CCSER1: variants seen among roughly 807,000 people sequenced by gnomAD.
The protein encoded by CCSER1 is coiled-coil serine rich protein 1.
A neutral mutation model predicts 82.0 loss-of-function variants in CCSER1; 41 were observed. That is an observed-to-expected ratio of 0.50 (90% CI 0.39 to 0.65). The LOEUF is 0.65. Among genes scored for constraint, CCSER1 ranks in the 30% least tolerant of loss-of-function variants. The pLI is 0.00. For synonymous variants in CCSER1, 414 were observed against 383.9 expected, an observed-to-expected ratio of 1.08 and a Z score of -0.92; for missense variants, 1,119 against 1,064.2, an observed-to-expected ratio of 1.05 and a Z score of -0.72.
intron 10 of CCSER1, among the ~76,000 whole-genome samples, chr4:91,416,410 C>T (rs373829812): frequency 1.2e-4 from 18 of 151,816 alleles, no homozygotes; most frequent in African/African-American, 2.4e-4. Context: ...GAATCCTAAG[C>T]AAAAAGAACA....
chr4:91,014,920 G>A (rs1389627327), intron 9 of CCSER1, among the ~76,000 whole-genome samples: 3 of 83,434 alleles, frequency 3.6e-5, no homozygotes, highest in African/African-American at 8.7e-5. Context: ...TTCAAGTTTG[G>A]AGAGAATCAA....
At chr4:90,509,349 G>A (rs956472635) in intron 5 of CCSER1, among the ~76,000 whole-genome samples, 7 of 152,050 alleles carry the variant, frequency 4.6e-5, no homozygotes, top group African/African-American at 9.7e-5. Context: ...CCTGGGAAGT[G>A]TAATAAAAAA....
At chr4:91,443,060 T>C (rs919043406) in intron 10 of CCSER1, among the ~76,000 whole-genome samples, 22 of 152,024 alleles carry the variant, frequency 1.4e-4, no homozygotes, top group African/African-American at 5.3e-4. Context: ...TGGAAGTCAG[T>C]GTGGTGATTC....
At chr4:91,551,841 T>C (rs970866465) in intron 10 of CCSER1, among the ~76,000 whole-genome samples, 1 of 151,770 alleles carries the variant, frequency 6.6e-6, no homozygotes, top group Non-Finnish European at 1.5e-5. Flanking sequence ...ATTGAGATTT[T>C]GTTCCTGAAA....
chr4:90,309,884 A>C lies in CCSER1; in HGVS notation c.1324+276A>C, dbSNP rs957561335. 5.9e-5 allele frequency among the ~76,000 whole-genome samples: 9 copies of C among 152,204 alleles called. No individual in the cohort carries two copies. The East Asian group carries it at 1.5e-3, about 26-fold the overall frequency. On this transcript the variant is annotated intron_variant, in intron 2 of 10. Transcript: ENST00000509176. ...AAGCAGCCTCTTAGTTACGGTGTTT[A>C]TTGGAGCACCTTCAGAAGAAAGTGA...
At chr4:90,641,140 A>T (rs1726436196) in intron 6 of CCSER1, among the ~76,000 whole-genome samples, 1 of 152,152 alleles carries the variant, frequency 6.6e-6, no homozygotes, top group African/African-American at 2.4e-5. Flanking sequence ...GGTATAATAT[A>T]TTAATCTAAA....
intron 10 of CCSER1, among the ~76,000 whole-genome samples, chr4:91,462,435 C>T (rs1028652774): frequency 2.6e-5 from 4 of 152,110 alleles, no homozygotes; most frequent in South Asian, 2.1e-4. Context: ...GCGTCAGCCA[C>T]GCAGAAGATG....
chr4:90,128,839 C>G (rs1166920203), intron 1 of CCSER1, among the ~76,000 whole-genome samples: 1 of 152,006 alleles, frequency 6.6e-6, no homozygotes, highest in Non-Finnish European at 1.5e-5. Flanking sequence ...CTCTCTCTCT[C>G]TCTCTCCTCT....
At chr4:91,170,537 G>A (rs989817014) in intron 10 of CCSER1, among the ~76,000 whole-genome samples, 3 of 152,026 alleles carry the variant, frequency 2.0e-5, no homozygotes, top group African/African-American at 7.2e-5. Context: ...TTTTCTTGAG[G>A]GTAATAGAAC....
chr4:91,077,047 A>G (rs1204176349), intron 9 of CCSER1, among the ~76,000 whole-genome samples: 1 of 150,486 alleles, frequency 6.6e-6, no homozygotes, highest in Non-Finnish European at 1.5e-5. Context: ...GAAATTCCAC[A>G]TGACCAGGCA....
intron 5 of CCSER1, among the ~76,000 whole-genome samples, chr4:90,620,460 A>G (rs1430816877): frequency 2.0e-5 from 3 of 152,190 alleles, no homozygotes; most frequent in Non-Finnish European, 4.4e-5. Flanking sequence ...TATGAGTATT[A>G]CATAGAATTG....
chr4:91,546,091 A>G (rs2110209804), intron 10 of CCSER1, among the ~76,000 whole-genome samples: 1 of 152,218 alleles, frequency 6.6e-6, no homozygotes, highest in South Asian at 2.1e-4. Flanking sequence ...ATCTGAATTG[A>G]ATATGAAAAG....
intron 10 of CCSER1, among the ~76,000 whole-genome samples, chr4:91,297,495 A>G (rs1378671755): frequency 6.6e-6 from 1 of 151,520 alleles, no homozygotes; most frequent in East Asian, 2.0e-4. Context: ...AGATAATTGT[A>G]TATGAAGTAA....
At chr4:90,574,375 T>C (rs1379101209) in intron 5 of CCSER1, among the ~76,000 whole-genome samples, 1 of 149,204 alleles carries the variant, frequency 6.7e-6, no homozygotes, top group Non-Finnish European at 1.5e-5. Context: ...TTCACGCCAT[T>C]CTCCTGCCTC....
chr4:91,232,252 T>C (rs764148226), intron 10 of CCSER1, among the ~76,000 whole-genome samples: 48 of 151,884 alleles, frequency 3.2e-4, no homozygotes, highest in Non-Finnish European at 1.0e-4. Context: ...GTTTCACACC[T>C]GTGAAATAAT....
chr4:90,400,246 G>C, intron 4 of CCSER1, 117 bp downstream of exon 4: 1 of 442,572 alleles, frequency 2.3e-6, no homozygotes, highest in Non-Finnish European at 4.0e-6. Context: ...AGTTTTTATA[G>C]TCTATATGCA....
At chr4:90,526,405 T>C (rs1280674116) in intron 5 of CCSER1, among the ~76,000 whole-genome samples, 5 of 152,188 alleles carry the variant, frequency 3.3e-5, no homozygotes, top group African/African-American at 4.8e-5. Flanking sequence ...CAGAAGGCTT[T>C]TTTTTTTCTT....
chr4:90,496,881 G>A (rs1224649499), intron 5 of CCSER1, among the ~76,000 whole-genome samples: 2 of 151,124 alleles, frequency 1.3e-5, no homozygotes, highest in African/African-American at 2.4e-5. Context: ...GGAGTGCTGA[G>A]GCAGGAGAAT....
intron 7 of CCSER1, among the ~76,000 whole-genome samples, chr4:90,806,442 CTATT>C (rs1757522470): frequency 6.6e-6 from 1 of 152,082 alleles, no homozygotes; most frequent in South Asian, 2.1e-4. Flanking sequence ...CCATTTTAAA[CTATT>C]TAATTAACAA....
Sources: gnomAD v4.1 joint callset for allele counts (sites outside exome capture counted in the v4.1 genomes callset) on GRCh38, gnomAD v4.1.1 for gene constraint, MANE v1.5 for transcripts, NCBI Gene and HGNC (gene_info 2026-07-23, HGNC 2026-07-21) for gene names.